The following IL1R1 variants were observed in gnomAD, a reference collection of about 807,000 sequenced individuals.
IL1R1 encodes interleukin-1 receptor type 1.
IL1R1 carries 22 observed loss-of-function variants against 50.2 expected under a neutral mutation model. The observed-to-expected ratio is 0.44, with a 90% confidence interval of 0.31 to 0.63. The LOEUF (loss-of-function observed/expected upper bound fraction) is 0.63, where lower values mean the gene tolerates loss of function less well. Ranked by LOEUF, IL1R1 falls within the 20% of genes least tolerant of loss-of-function variation. The pLI is 0.07. For missense variants in IL1R1, 509 were observed against 676.2 expected (o/e 0.75, Z 2.74); for synonymous variants, 251 against 236.7 (o/e 1.06, Z -0.55).
rs761384702 is a variant in IL1R1, at chr2:102,157,747, T to C, written c.23T>C (p.Ile8Thr). The C allele has an allele frequency of 5.0e-6, 8 of 1,607,318 alleles. No individual in the cohort carries two copies. The highest frequency in any genetic ancestry group is 2.2e-5 in the East Asian group (1 of 44,870). The stretch of plus-strand genomic sequence containing the variant: ...AATATGAAAGTGTTACTCAGACTTA[T>C]TTGTTTCATAGCTCTACTGATTTCT... MKVLLRL[I>T]CFIALLISSL... The change falls in exon 3 of 12, where the codon ATT becomes ACT. Residue 8 changes from isoleucine (I) to threonine (T), a missense_variant. Ile to Thr is a moderately conservative substitution (Grantham distance 89). Transcript: ENST00000410023.
chr2:102,120,176 C>A (rs1019233641), intron 1 of IL1R1, among the ~76,000 whole-genome samples: 1 of 152,026 alleles, frequency 6.6e-6, no homozygotes, highest in African/African-American at 2.4e-5. Context: ...TAGCATGAAA[C>A]CTTTGATGTG....
intron 1 of IL1R1, among the ~76,000 whole-genome samples, chr2:102,076,256 C>T (rs528936668): frequency 1.3e-5 from 2 of 151,158 alleles, no homozygotes; most frequent in Non-Finnish European, 2.9e-5. Context: ...CGGCTCACTG[C>T]AAGCTCCGCC....
At chr2:102,172,031 C>CTTTTTTTTTTTTTTTTTTTTT (rs35265416) in intron 8 of IL1R1, 113 bp downstream of exon 8, 4 of 87,256 alleles carry the variant, frequency 4.6e-5, no homozygotes, top group Admixed American at 1.8e-4. Flanking sequence ...CCTTTGCTGC[C>CTTTTTTTTTTTTTTTTTTTTT]TTTTTTTTTT....
chr2:102,105,899 G>T (rs1680383967), intron 1 of IL1R1, among the ~76,000 whole-genome samples: 1 of 152,058 alleles, frequency 6.6e-6, no homozygotes, highest in Non-Finnish European at 1.5e-5. Context: ...TTTTATCCTT[G>T]ATCTCCATAA....
chr2:102,173,286 CAGA>C (rs1312292983), intron 9 of IL1R1, among the ~76,000 whole-genome samples: 6 of 152,108 alleles, frequency 3.9e-5, no homozygotes, highest in Admixed American at 3.9e-4. Context: ...AAGAGGACAT[CAGA>C]AGTCACTGGG....
chr2:102,163,843 T>C (rs1185939460), intron 3 of IL1R1, among the ~76,000 whole-genome samples: 1 of 152,226 alleles, frequency 6.6e-6, no homozygotes, highest in Admixed American at 6.5e-5. Flanking sequence ...GTTCTTGAGC[T>C]TTGTTCTGCC....
chr2:102,120,981 G>A (rs531368672), intron 1 of IL1R1, among the ~76,000 whole-genome samples: 7 of 152,304 alleles, frequency 4.6e-5, no homozygotes, highest in Non-Finnish European at 8.8e-5. Context: ...ATCTCAGCTG[G>A]TCTTGGCAAG....
upstream of IL1R1, among the ~76,000 whole-genome samples, chr2:102,140,327 T>C (rs1296529296): frequency 3.9e-5 from 6 of 152,362 alleles, no homozygotes; most frequent in South Asian, 6.2e-4. Context: ...TTTTGTTTCA[T>C]GTGCATTATC....
intron 1 of IL1R1, among the ~76,000 whole-genome samples, chr2:102,096,697 A>G (rs1184289347): frequency 6.6e-6 from 1 of 151,784 alleles, no homozygotes; most frequent in Non-Finnish European, 1.5e-5. Flanking sequence ...TGGTGAGTGG[A>G]AGTTTTTAAT....
rs1263859259 is a variant in IL1R1 at position 102,178,992 on chromosome 2, A to T, written c.*2233A>T. On this transcript the variant is annotated 3_prime_UTR_variant, in exon 12 of 12. Coordinates refer to ENST00000410023, the MANE Select transcript of IL1R1 (RefSeq NM_000877.4). ...TTAAGTCTCTGACTCTTGCCTTTCCACCTGCTTTCTCCTGGGCCCGCTTTG... is the reference window on the plus strand; with the variant it reads ...TTAAGTCTCTGACTCTTGCCTTTCCTCCTGCTTTCTCCTGGGCCCGCTTTG... 6.6e-6 allele frequency: 1 copy of T among 152,128 alleles called. No individual in the cohort carries two copies. Among genetic ancestry groups the T allele is most frequent in the African/African-American group, 2.4e-5 (1 of 41,368 alleles). The allele number at this position is 152,128 out of a possible 1,614,324, so 9.4% of individuals were successfully genotyped here.
chr2:102,080,480 G>A (rs1245262617), intron 1 of IL1R1, among the ~76,000 whole-genome samples: 2 of 152,166 alleles, frequency 1.3e-5, no homozygotes, highest in African/African-American at 4.8e-5. Flanking sequence ...AAAGATGCTC[G>A]ACATTACTGG....
At chr2:102,161,641 G>C (rs951989048) in intron 3 of IL1R1, among the ~76,000 whole-genome samples, 1 of 151,856 alleles carries the variant, frequency 6.6e-6, no homozygotes, top group African/African-American at 2.4e-5. Flanking sequence ...TAAACATTTG[G>C]TATTATTGTG....
intron 1 of IL1R1, among the ~76,000 whole-genome samples, chr2:102,111,725 C>T (rs1680775103): frequency 6.6e-6 from 1 of 152,142 alleles, no homozygotes; most frequent in African/African-American, 2.4e-5. Flanking sequence ...AGGTTCTGGA[C>T]CAGAACACGG....
intron 3 of IL1R1, among the ~76,000 whole-genome samples, chr2:102,159,841 T>C (rs1026989269): frequency 1.3e-5 from 2 of 152,214 alleles, no homozygotes; most frequent in African/African-American, 4.8e-5. Context: ...TTGATATTCA[T>C]GGCTGTTTTA....
At chr2:102,122,197 C>T (rs866510690) in intron 1 of IL1R1, among the ~76,000 whole-genome samples, 1 of 152,176 alleles carries the variant, frequency 6.6e-6, no homozygotes, top group Non-Finnish European at 1.5e-5. Context: ...AGAAAACATA[C>T]TGGTCAGTAA....
intron 3 of IL1R1, among the ~76,000 whole-genome samples, chr2:102,163,418 C>T (rs1684898547): frequency 6.6e-6 from 1 of 152,034 alleles, no homozygotes; most frequent in Admixed American, 6.6e-5. Flanking sequence ...ATTTTTGTCT[C>T]TGTGCTTAAT....
chr2:102,114,024 G>A (rs752375635), intron 1 of IL1R1, among the ~76,000 whole-genome samples: 3 of 152,208 alleles, frequency 2.0e-5, no homozygotes, highest in Non-Finnish European at 2.9e-5. Flanking sequence ...GTTTATGGAA[G>A]AGCTCTTTCT....
upstream of IL1R1, among the ~76,000 whole-genome samples, chr2:102,103,990 GAA>G (rs72041212): frequency 1.6e-3 from 136 of 83,960 alleles, 1 homozygote; most frequent in African/African-American, 6.0e-3. Flanking sequence ...GACTGTCTCA[GAA>G]AAAAAAAAAA....
chr2:102,147,918 C>T (rs1217012080), intron 1 of IL1R1, among the ~76,000 whole-genome samples: 2 of 152,190 alleles, frequency 1.3e-5, no homozygotes, highest in African/African-American at 4.8e-5. Context: ...TTTCCTTCTC[C>T]CATTTACATG....
Sources: gnomAD v4.1 joint callset for allele counts (sites outside exome capture counted in the v4.1 genomes callset) on GRCh38, gnomAD v4.1.1 for gene constraint, MANE v1.5 for transcripts, NCBI Gene and HGNC (gene_info 2026-07-23, HGNC 2026-07-21) for gene names.